ATP8B3: variants seen among roughly 807,000 people sequenced by gnomAD.
The protein encoded by ATP8B3 is phospholipid-transporting ATPase IK.
Under a neutral mutation model 140.9 loss-of-function variants are expected in ATP8B3, and 141 were observed. The ratio of observed to expected loss-of-function variants is 1.00; its 90% CI spans 0.87 to 1.15. The LOEUF (loss-of-function observed/expected upper bound fraction) is 1.15, where lower values mean the gene tolerates loss of function less well. Among genes scored for constraint, ATP8B3 ranks in the 50% most tolerant of loss-of-function variants. The probability of loss-of-function intolerance (pLI) is 0.00; values close to 1 mark genes in which losing one functional copy is unlikely to be tolerated. For missense variants in ATP8B3, 1,874 were observed against 1,740.6 expected (o/e 1.08, Z -1.36); for synonymous variants, 765 against 714.6 (o/e 1.07, Z -1.13).
At chr19:1,796,656 C>G in intron 16 of ATP8B3, 55 bp downstream of exon 16, 1 of 1,569,800 alleles carries the variant, frequency 6.4e-7, no homozygotes, top group Non-Finnish European at 8.6e-7. Context: ...GCTGGGGACA[C>G]TGCCGTGCCC....
In ATP8B3 at chr19:1,799,940, G is replaced by C. The variant is rs979659380; in HGVS notation, c.1552+7C>G. On this transcript the variant is annotated splice_region_variant and intron_variant, in intron 14 of 28. Transcript: ENST00000310127. ...CCCAGCTGGGAGCTCAGGTGTCGGG[G>C]CCGCACCATAGACGCGGCCGCTGAT... 1.4e-5 allele frequency: 22 copies of C among 1,587,866 alleles called. No homozygotes were observed. The African/African-American group carries it at 2.7e-4, about 19-fold the overall frequency.
Position 1,783,268 on chromosome 19 carries a change from C to T in ATP8B3, c.3663G>A (p.Glu1221=), listed in dbSNP as rs763989109. The stretch of plus-strand genomic sequence containing the variant: ...CGCTGGGGCCCTCCTCCACCTTCTC[C>T]TCCTGAAGAGCAAAGGGGAGAGCAG... The part of the protein sequence containing the change: ...FPALKELRAK[E]EKVEEGPSEE... Residue 1221 remains glutamate (E), a splice_region_variant and synonymous_variant, in exon 29 of 29, where the codon GAG becomes GAA. Transcript: ENST00000310127. 29 of 1,606,924 alleles carry T rather than the reference C, an allele frequency of 1.8e-5. No individual in the cohort carries two copies. In the South Asian group the frequency reaches 3.0e-4, roughly 17 times the overall value.
Position 1,806,060 on chromosome 19 carries a change from G to A in ATP8B3, c.750+37C>T, listed in dbSNP as rs374336067. The A allele has an allele frequency of 4.6e-5, 73 of 1,601,844 alleles. No individual in the cohort carries two copies. The South Asian group carries it at 5.0e-4, about 11-fold the overall frequency. ...GGAGGGGTGCTCTCGGTGAGGGGGC[G>A]CGTGGTTCTGGGACCTCGGGGTCAA... On this transcript the variant is annotated intron_variant, in intron 8 of 28. Transcript: ENST00000310127. The surrounding 1 kb of genome is among the most constrained non-coding windows in gnomAD (Gnocchi z 5.6).
At position 1,783,013 on chromosome 19, in the gene ATP8B3, C is replaced by G. The variant is rs1218542719; in HGVS notation, c.*15G>C. 1 of 1,591,792 alleles carries G rather than the reference C, an allele frequency of 6.3e-7. No individual in the cohort carries two copies. Among genetic ancestry groups the G allele is most frequent in the East Asian group, 2.3e-5 (1 of 44,008 alleles). On this transcript the variant is annotated 3_prime_UTR_variant, in exon 29 of 29. Transcript: ENST00000310127. ...GGTGCTTCTTCTTCCCCAGGAAGGA[C>G]ATCTTCCTGAGGTGTCACTGTGACT...
chr19:1,788,335 T>G (rs934576415), intron 24 of ATP8B3, among the ~76,000 whole-genome samples: 8 of 152,322 alleles, frequency 5.3e-5, no homozygotes, highest in Middle Eastern at 3.4e-3. Context: ...GAGGTCCATG[T>G]GCAGTGCCTG....
chr19:1,800,291 G>T lies in ATP8B3; in HGVS notation c.1311C>A (p.Leu437=). ...ACATGGACATCGGGATGGTGACGCTGAGCAGGATGAGGAAGCTCCAGAAGA... is the reference window on the plus strand; with the variant it reads ...ACATGGACATCGGGATGGTGACGCTTAGCAGGATGAGGAAGCTCCAGAAGA... ...FFVFWSFLIL[L]SVTIPMSMFI... is the part of the protein sequence containing the mutation. Residue 437 remains leucine (L), a synonymous_variant, in exon 13 of 29, where the codon CTC becomes CTA. Transcript: ENST00000310127. The surrounding 1 kb of genome is among the most constrained non-coding windows in gnomAD (Gnocchi z 4.4). 6.2e-7 allele frequency: 1 copy of T among 1,612,726 alleles called. No individual in the cohort carries two copies. The highest frequency in any genetic ancestry group is 1.1e-5 in the South Asian group (1 of 91,080).
In ATP8B3 at chr19:1,811,852, T is replaced by C. The variant is rs1262788859; in HGVS notation, c.-116A>G. ...CTGGGGATTGGAGAGTTGGAGAGAA[T>C]GCTCAAATGGCCAGAATCCACTCGA... On this transcript the variant is annotated 5_prime_UTR_variant, in exon 2 of 29. Coordinates refer to ENST00000310127, the MANE Select transcript of ATP8B3 (RefSeq NM_138813.4). The C allele has an allele frequency of 5.2e-6, 6 of 1,159,072 alleles. No homozygotes were observed. Among genetic ancestry groups the C allele is most frequent in the Non-Finnish European group, 7.1e-6 (6 of 849,602 alleles). 71.8% of individuals were successfully genotyped at this position (1,159,072 alleles called of 1,614,324 possible).
chr19:1,786,966 T>G (rs1600392287), intron 25 of ATP8B3, 137 bp downstream of exon 25: 1 of 718,512 alleles, frequency 1.4e-6, no homozygotes, highest in Non-Finnish European at 2.3e-6. Context: ...CAGGGAGAGG[T>G]ACTGGACTGC....
Position 1,806,726 on chromosome 19 carries a change from G to T in ATP8B3, c.616-37C>A. On this transcript the variant is annotated intron_variant, in intron 6 of 28. Transcript: ENST00000310127. The surrounding 1 kb of genome is among the most constrained non-coding windows in gnomAD (Gnocchi z 5.6). ...GGGAAAGGATCAGAGAGACCGTCCA[G>T]CCTCTCCTGCCCCCGCCCAGGCCGC... 1 of 1,547,778 alleles carries T rather than the reference G, an allele frequency of 6.5e-7. No homozygotes were observed. The highest frequency in any genetic ancestry group is 8.7e-7 in the Non-Finnish European group (1 of 1,144,348).
chr19:1,799,464 A>AG (rs2068774868), intron 14 of ATP8B3: 1 of 209,978 alleles, frequency 4.8e-6, no homozygotes, highest in Non-Finnish European at 9.1e-6. Context: ...CGTCTCAGAG[A>AG]GAAAAAAAAA....
Position 1,782,710 on chromosome 19 carries a change from G to C in ATP8B3, c.*318C>G. On this transcript the variant is annotated 3_prime_UTR_variant, in exon 29 of 29. Transcript: ENST00000310127. ...CAAATGACGACAGCTGGCTTTCTCTGTGCAACAGTGATTTCTCCTGAAAAG... is the reference window on the plus strand; with the variant it reads ...CAAATGACGACAGCTGGCTTTCTCTCTGCAACAGTGATTTCTCCTGAAAAG... 2.7e-6 allele frequency: 1 copy of C among 375,232 alleles called. No individual in the cohort carries two copies. Among genetic ancestry groups the C allele is most frequent in the Non-Finnish European group, 4.9e-6 (1 of 202,338 alleles). 23.2% of individuals were successfully genotyped at this position (375,232 alleles called of 1,614,324 possible).
intron 21 of ATP8B3, 136 bp from the exon 22 acceptor site, chr19:1,790,125 T>TC: frequency 2.0e-6 from 1 of 502,386 alleles, no homozygotes; most frequent in South Asian, 2.1e-5. Context: ...ACTTCCCTCT[T>TC]CCCCTCCCCT....
intron 14 of ATP8B3, chr19:1,799,480 A>T (rs1188684222): frequency 1.8e-5 from 4 of 226,416 alleles, no homozygotes; most frequent in Non-Finnish European, 3.4e-5. Flanking sequence ...AAAAAAAAAA[A>T]GTCGGCCGGG....
intron 4 of ATP8B3, among the ~76,000 whole-genome samples, chr19:1,809,295 C>T (rs1378410836): frequency 6.6e-6 from 1 of 151,936 alleles, no homozygotes; most frequent in African/African-American, 2.4e-5. Context: ...CCAGCCTGGC[C>T]AACATGGTGA....
rs761229648 is a variant in ATP8B3, at chr19:1,806,717, G to C, written c.616-28C>G. The stretch of plus-strand genomic sequence containing the variant: ...GGGCCAGGAGGGAAAGGATCAGAGA[G>C]ACCGTCCAGCCTCTCCTGCCCCCGC... On this transcript the variant is annotated intron_variant, in intron 6 of 28. Coordinates refer to ENST00000310127, the MANE Select transcript of ATP8B3 (RefSeq NM_138813.4). The surrounding 1 kb of genome is among the most constrained non-coding windows in gnomAD (Gnocchi z 5.6). The C allele has an allele frequency of 3.9e-6, 6 of 1,552,826 alleles. No individual in the cohort carries two copies. The South Asian group carries it at 7.1e-5, about 18-fold the overall frequency.
chr19:1,811,478 C>A lies in ATP8B3; in HGVS notation c.248+11G>T, dbSNP rs45584038. 14 of 1,609,078 alleles carry A rather than the reference C, an allele frequency of 8.7e-6. No homozygotes were observed. In the South Asian group the frequency reaches 1.3e-4, roughly 15 times the overall value. On this transcript the variant is annotated intron_variant, in intron 2 of 28. Coordinates refer to ENST00000310127, the MANE Select transcript of ATP8B3 (RefSeq NM_138813.4). ...CCCTGTGTTCCGGCCACCCGATGCACCCGTCCTCACCCTTCTGGTCTCCAT... is the reference window on the plus strand; with the variant it reads ...CCCTGTGTTCCGGCCACCCGATGCAACCGTCCTCACCCTTCTGGTCTCCAT...
At chr19:1,785,752 G>T (rs1600388782) in intron 25 of ATP8B3, 44 bp from the exon 26 acceptor site, 1 of 1,039,642 alleles carries the variant, frequency 9.6e-7, no homozygotes, top group Non-Finnish European at 1.4e-6. Context: ...GGGGGCGGGG[G>T]ACACCCAACA....
intron 28 of ATP8B3, among the ~76,000 whole-genome samples, chr19:1,783,726 C>T (rs1009044076): frequency 5.3e-5 from 8 of 152,202 alleles, no homozygotes; most frequent in African/African-American, 1.9e-4. Flanking sequence ...AGGAGCTGGG[C>T]AGGGAGAACA....
chr19:1,800,431 G>A lies in ATP8B3; in HGVS notation c.1171C>T (p.Leu391Phe), dbSNP rs750786411. The change falls in exon 13 of 29, where the codon CTT becomes TTT. Residue 391 changes from leucine to phenylalanine, a missense_variant. This residue lies in a region of ATP8B3 where 1,032 missense variants were observed against 963.6 expected (regional missense o/e 1.07). Coordinates refer to ENST00000310127, the MANE Select transcript of ATP8B3 (RefSeq NM_138813.4). This position sits in a 1 kb window ranked among gnomAD's most constrained non-coding sequence, Gnocchi z 4.4. The stretch of plus-strand genomic sequence containing the variant: ...CCGAAGGCCAACACCAGGCAGACAA[G>A]CACCACGGAGATGAAGATCTGGAAG... ...LVVVIFISVV[L>F]VCLVLAFGFG... 3.2e-6 allele frequency: 5 copies of A among 1,543,944 alleles called. No individual in the cohort carries two copies. In the East Asian group the frequency reaches 1.3e-4, roughly 40 times the overall value.
Sources: allele counts gnomAD v4.1 joint callset (sites outside exome capture counted in the v4.1 genomes callset), GRCh38; gene constraint gnomAD v4.1.1; regional missense constraint gnomAD v4.1.1; non-coding constraint Gnocchi (gnomAD v3.1); transcripts MANE v1.5; gene names NCBI Gene and HGNC (gene_info 2026-07-23, HGNC 2026-07-21).